Variants in UNC79 observed in about 807,000 individuals in gnomAD.
UNC79 encodes the protein protein unc-79 homolog.
UNC79 carries 37 observed loss-of-function variants against 283.1 expected under a neutral mutation model. That is an observed-to-expected ratio of 0.13 (90% CI 0.10 to 0.17). UNC79 has a LOEUF of 0.17. Ranked by LOEUF, UNC79 falls within the 10% of genes least tolerant of loss-of-function variation. UNC79 has a pLI of 1.00. For synonymous variants in UNC79, 1,107 were observed against 1,200.2 expected (o/e 0.92, Z 1.61); for missense variants, 2,272 against 3,211.1 (o/e 0.71, Z 7.07).
At chr14:93,666,116 A>G (rs1420370114) in intron 40 of UNC79, among the ~76,000 whole-genome samples, 1 of 152,034 alleles carries the variant, frequency 6.6e-6, no homozygotes, top group Non-Finnish European at 1.5e-5. Flanking sequence ...AGCATTCTAT[A>G]TATTATCTAC....
chr14:93,612,699 C>T lies in UNC79; in HGVS notation c.3755-98C>T, dbSNP rs895137685. On this transcript the variant is annotated intron_variant, in intron 26 of 48. Transcript: ENST00000555664. The stretch of plus-strand genomic sequence containing the variant: ...TGTCTGGAGCAGAAAATTTTGTAGA[C>T]GCAGAAACAAGGGTGCCTTATCAAT... The T allele has an allele frequency of 9.1e-5, 135 of 1,484,188 alleles. 1 individual carries two copies. The highest frequency in any genetic ancestry group is 7.0e-4 in the South Asian group (52 of 74,628). The allele number at this position is 1,484,188 out of a possible 1,614,324, so 91.9% of individuals were successfully genotyped here.
chr14:93,497,772 G>A (rs891068395), intron 7 of UNC79, among the ~76,000 whole-genome samples: 1 of 152,154 alleles, frequency 6.6e-6, no homozygotes, highest in Non-Finnish European at 1.5e-5. Flanking sequence ...CAGATCACAA[G>A]GTCAGGAGAT....
chr14:93,346,572 A>AT (rs1170630473), intron 1 of UNC79, among the ~76,000 whole-genome samples: 3 of 152,306 alleles, frequency 2.0e-5, no homozygotes, highest in South Asian at 4.1e-4. Context: ...TGCCATGAAT[A>AT]TTTTTTATAT....
chr14:93,426,565 G>A (rs189210825), upstream of UNC79, among the ~76,000 whole-genome samples: 99 of 149,824 alleles, frequency 6.6e-4, 1 homozygote, highest in Non-Finnish European at 1.0e-3. Context: ...TATTTTTTTC[G>A]ATCTGTTTTT....
chr14:93,637,057 A>G (rs2068568623), intron 31 of UNC79, 159 bp from the exon 35 acceptor site: 1 of 667,222 alleles, frequency 1.5e-6, no homozygotes, highest in Non-Finnish European at 2.7e-6. Context: ...GCCCCAAATA[A>G]CCCTACCCTA....
Position 93,597,546 on chromosome 14 carries a change from A to G in UNC79, c.3372+6A>G, listed in dbSNP as rs1376694738. 6.2e-7 allele frequency: 1 copy of G among 1,609,574 alleles called. No homozygotes were observed. Among genetic ancestry groups the G allele is most frequent in the Admixed American group, 1.7e-5 (1 of 59,268 alleles). ...TAAAGAGGCCAGCATTGCAGGTGAC[A>G]TGTGATTTGTGTTATCTGCTCCGAA... On this transcript the variant is annotated splice_donor_region_variant and intron_variant, in intron 24 of 48. Transcript: ENST00000555664.
intron 1 of UNC79, among the ~76,000 whole-genome samples, chr14:93,414,403 A>G (rs1219297392): frequency 6.6e-6 from 1 of 152,110 alleles, no homozygotes; most frequent in Non-Finnish European, 1.5e-5. Context: ...TTTTGGTACC[A>G]GTACCATACT....
intron 11 of UNC79, among the ~76,000 whole-genome samples, chr14:93,535,160 A>T (rs2061009255): frequency 6.6e-6 from 1 of 152,226 alleles, no homozygotes; most frequent in Non-Finnish European, 1.5e-5. Flanking sequence ...GTTGGAGTGA[A>T]CATTTGAAAA....
At chr14:93,637,342 G>A (rs2068594733) in intron 32 of UNC79, 43 bp downstream of exon 35, 1 of 1,607,978 alleles carries the variant, frequency 6.2e-7, no homozygotes, top group South Asian at 1.1e-5. Flanking sequence ...AGCTGAAGGA[G>A]ACTGGACATG....
rs540181927 is a variant in UNC79 at position 93,669,057 on chromosome 14, A to G, written c.6637-4294A>G. 7.9e-4 allele frequency among the ~76,000 whole-genome samples: 120 copies of G among 151,790 alleles called. 1 individual carries two copies. In the South Asian group the frequency reaches 0.024, roughly 31 times the overall value. On this transcript the variant is annotated intron_variant, in intron 40 of 48. Coordinates refer to ENST00000555664, the Ensembl canonical transcript of UNC79. ...GGAACATTTTACTGGAGAGCATTAC[A>G]CAATGTTAAATAAATGGAAAGAGAT...
At chr14:93,641,198 C>T (rs1236541283) in exon 33 of UNC79, 1 of 1,613,696 alleles carries the variant, frequency 6.2e-7, no homozygotes, top group Admixed American at 1.7e-5. Context: ...TATGTTTGTG[C>T]CTGCACCTGA....
chr14:93,549,398 A>G (rs1279624638), intron 14 of UNC79, among the ~76,000 whole-genome samples: 2 of 152,214 alleles, frequency 1.3e-5, no homozygotes, highest in Non-Finnish European at 2.9e-5. Flanking sequence ...TGTGCTCAGC[A>G]TGGTACTCAA....
intron 35 of UNC79, among the ~76,000 whole-genome samples, chr14:93,653,203 A>T (rs1198820623): frequency 6.6e-6 from 1 of 152,128 alleles, no homozygotes; most frequent in Non-Finnish European, 1.5e-5. Context: ...GCAGAGGTGC[A>T]CATGAAGGGT....
At chr14:93,537,363 C>A (rs1167269078) in intron 11 of UNC79, among the ~76,000 whole-genome samples, 1 of 152,252 alleles carries the variant, frequency 6.6e-6, no homozygotes, top group Non-Finnish European at 1.5e-5. Context: ...ACGAAGGGTT[C>A]TGGCTGTGTA....
At chr14:93,339,875 G>T (rs895359155) in intron 1 of UNC79, among the ~76,000 whole-genome samples, 2 of 152,218 alleles carry the variant, frequency 1.3e-5, no homozygotes, top group Admixed American at 6.5e-5. Flanking sequence ...ATGTATGGTT[G>T]CAATATTGAC....
rs1232853965 is a variant in UNC79, at chr14:93,357,814, T to TATATATGG, written c.-351+24304_-351+24311dup. Among the ~76,000 whole-genome samples, 6 of 87,160 alleles carry TATATATGG rather than the reference T, an allele frequency of 6.9e-5. 1 individual carries two copies. The East Asian group carries it at 1.4e-3, about 21-fold the overall frequency. The allele number at this position is 87,160 out of a possible 152,430, so 57.2% of individuals were successfully genotyped here. A position where few individuals can be genotyped will look rare whatever the true frequency, so the allele number is the denominator to read the frequency against. On this transcript the variant is annotated intron_variant, in intron 1 of 49. Transcript: ENST00000256339. Reference sequence around the variant, plus strand: ...ATATATATATGGATATATGGATATATATATATGGATATATGGATATGTATA... The same window carrying TATATATGG: ...ATATATATATGGATATATGGATATATATATATGGATATATGGATATATGGATATGTATA...
Position 93,655,164 on chromosome 14 carries a change from AT to A in UNC79, c.6283-67del, listed in dbSNP as rs2070783545. On this transcript the variant is annotated intron_variant, in intron 37 of 48. Transcript: ENST00000555664. ...CTGAAGATGTGACTTTTAAACTGAC[AT>A]TTACCAAATAGCGCTATGCATTCCC... 2.6e-6 allele frequency: 4 copies of A among 1,552,854 alleles called. No homozygotes were observed. In the East Asian group the frequency reaches 9.0e-5, roughly 35 times the overall value.
At chr14:93,618,494 T>G (rs2066894007) in intron 29 of UNC79, 140 bp downstream of exon 30, 2 of 983,624 alleles carry the variant, frequency 2.0e-6, no homozygotes, top group East Asian at 2.9e-5. Flanking sequence ...TTTCCAACTT[T>G]CCATGAATGT....
At chr14:93,400,107 G>T (rs1359675501) in intron 1 of UNC79, among the ~76,000 whole-genome samples, 2 of 152,092 alleles carry the variant, frequency 1.3e-5, no homozygotes, top group Non-Finnish European at 1.5e-5. Flanking sequence ...TGACCAACTG[G>T]CTGATTCTTC....
Sources: allele counts gnomAD v4.1 joint callset (sites outside exome capture counted in the v4.1 genomes callset), GRCh38; gene constraint gnomAD v4.1.1; transcripts MANE v1.5; gene names NCBI Gene and HGNC (gene_info 2026-07-23, HGNC 2026-07-21).